The following ACSS3 variants were observed in gnomAD, a reference collection of about 807,000 sequenced individuals.
The protein encoded by ACSS3 is acyl-CoA synthetase short chain family member 3, also known as acyl-CoA synthetase short-chain family member 3, mitochondrial.
ACSS3 carries 64 observed loss-of-function variants against 84.2 expected under a neutral mutation model. The ratio of observed to expected loss-of-function variants is 0.76; its 90% confidence interval spans 0.62 to 0.94. The LOEUF is 0.94. ACSS3 is among the 40% of genes least tolerant of loss of function. ACSS3 has a pLI of 0.00. For synonymous variants in ACSS3, 317 were observed against 310.1 expected, an observed-to-expected ratio of 1.02 and a Z score of -0.23; for missense variants, 815 against 867.6, an observed-to-expected ratio of 0.94 and a Z score of 0.76.
At chr12:81,235,448 C>T (rs2033602158) in intron 13 of ACSS3, among the ~76,000 whole-genome samples, 1 of 151,188 alleles carries the variant, frequency 6.6e-6, no homozygotes, top group Non-Finnish European at 1.5e-5. Flanking sequence ...CTTTCTTAGT[C>T]TTGTTGTAGC....
At chr12:81,097,385 C>G (rs921937421) in intron 1 of ACSS3, among the ~76,000 whole-genome samples, 2 of 152,126 alleles carry the variant, frequency 1.3e-5, no homozygotes, top group African/African-American at 2.4e-5. Flanking sequence ...ACATAGTGGA[C>G]CAGTTTGACA....
intron 9 of ACSS3, among the ~76,000 whole-genome samples, chr12:81,206,162 T>G (rs1565719972): frequency 6.6e-6 from 1 of 152,156 alleles, no homozygotes; most frequent in South Asian, 2.1e-4. Flanking sequence ...TTTTAACTAC[T>G]TGTTATTCTC....
At chr12:81,121,360 T>A (rs4240726) in intron 2 of ACSS3, among the ~76,000 whole-genome samples, 134,081 of 152,118 alleles carry the variant, frequency 0.88, 60,309 homozygotes, top group Middle Eastern at 0.97. Flanking sequence ...TCCTGTTGAC[T>A]TCTTTTGCAT....
intron 13 of ACSS3, among the ~76,000 whole-genome samples, chr12:81,250,122 G>A (rs952883672): frequency 1.3e-5 from 2 of 152,030 alleles, no homozygotes; most frequent in African/African-American, 4.8e-5. Flanking sequence ...TGGAGGGAAT[G>A]CATTAATGTG....
intron 5 of ACSS3, among the ~76,000 whole-genome samples, chr12:81,144,062 G>A (rs74424332): frequency 0.021 from 3,157 of 152,198 alleles, 107 homozygotes; most frequent in African/African-American, 0.07. Context: ...TGAGGACAGT[G>A]GCTTCTTTAT....
chr12:81,192,898 T>A (rs1208141137), intron 8 of ACSS3, among the ~76,000 whole-genome samples: 1 of 152,198 alleles, frequency 6.6e-6, no homozygotes, highest in African/African-American at 2.4e-5. Flanking sequence ...TTGAGTTCTC[T>A]GATGTATTCA....
At chr12:81,223,638 A>AT (rs2033180850) in intron 11 of ACSS3, among the ~76,000 whole-genome samples, 1 of 152,020 alleles carries the variant, frequency 6.6e-6, no homozygotes, top group Non-Finnish European at 1.5e-5. Context: ...TAGAACTCAC[A>AT]TTATTGCCCA....
intron 2 of ACSS3, among the ~76,000 whole-genome samples, chr12:81,133,124 T>G (rs574194657): frequency 6.6e-6 from 1 of 152,134 alleles, no homozygotes; most frequent in African/African-American, 2.4e-5. Context: ...CGTGTTTTTT[T>G]TTTTCTTTCT....
At chr12:81,122,302 C>T (rs1460052391) in intron 2 of ACSS3, among the ~76,000 whole-genome samples, 2 of 151,492 alleles carry the variant, frequency 1.3e-5, no homozygotes, top group African/African-American at 2.4e-5. Flanking sequence ...ACTCATGGGC[C>T]CTGAGAATAT....
chr12:81,242,537 T>C (rs374216274), intron 13 of ACSS3, among the ~76,000 whole-genome samples: 5 of 150,660 alleles, frequency 3.3e-5, no homozygotes, highest in Non-Finnish European at 7.4e-5. Context: ...ATACCAAAGC[T>C]GGGCAGAGAC....
At chr12:81,212,582 C>T (rs751962110) in intron 9 of ACSS3, among the ~76,000 whole-genome samples, 37 of 152,072 alleles carry the variant, frequency 2.4e-4, no homozygotes, top group Non-Finnish European at 4.9e-4. Context: ...CAGAATTTTT[C>T]ATCAGTAAAA....
chr12:81,084,449 G>A (rs1024119259), intron 1 of ACSS3, among the ~76,000 whole-genome samples: 4 of 152,162 alleles, frequency 2.6e-5, no homozygotes, highest in Non-Finnish European at 5.9e-5. Context: ...TAAAGACATG[G>A]TAACTGTAAG....
At position 81,088,432 on chromosome 12, in the gene ACSS3, T is replaced by C. The variant is rs985758186; in HGVS notation, c.311+10001T>C. ...TAAAGTACATAAACATTGTCAGGTA[T>C]ATCATAAAATAGCTAACCTTTTTAT... On this transcript the variant is annotated intron_variant, in intron 1 of 15. Coordinates refer to ENST00000548058, the MANE Select transcript of ACSS3 (RefSeq NM_024560.4). Among the ~76,000 whole-genome samples the C allele has an allele frequency of 2.0e-5, 3 of 152,082 alleles. No individual in the cohort carries two copies. The South Asian group carries it at 6.2e-4, about 31-fold the overall frequency.
intron 13 of ACSS3, among the ~76,000 whole-genome samples, chr12:81,237,880 A>G (rs2033676335): frequency 6.6e-6 from 1 of 151,562 alleles, no homozygotes; most frequent in Non-Finnish European, 1.5e-5. Flanking sequence ...TTGTTGCACT[A>G]GCCAGTATGA....
intron 13 of ACSS3, among the ~76,000 whole-genome samples, chr12:81,251,625 A>G (rs1593244977): frequency 7.0e-6 from 1 of 143,314 alleles, no homozygotes; most frequent in Admixed American, 7.4e-5. Flanking sequence ...TGAGCCCAGG[A>G]GTTTGAGACC....
intron 11 of ACSS3, among the ~76,000 whole-genome samples, chr12:81,221,148 G>C (rs1256164155): frequency 6.6e-6 from 1 of 151,950 alleles, no homozygotes; most frequent in Non-Finnish European, 1.5e-5. Flanking sequence ...TTATATGCTA[G>C]TGGAAGCAGA....
intron 7 of ACSS3, among the ~76,000 whole-genome samples, chr12:81,156,651 G>T (rs922765435): frequency 3.3e-5 from 5 of 151,798 alleles, no homozygotes; most frequent in African/African-American, 9.7e-5. Flanking sequence ...GTGTAATAGG[G>T]GAATACTATG....
intron 13 of ACSS3, among the ~76,000 whole-genome samples, chr12:81,237,244 A>G (rs2033660761): frequency 6.6e-6 from 1 of 151,490 alleles, no homozygotes; most frequent in Admixed American, 6.6e-5. Context: ...CTAGGGATCT[A>G]GTCTGGACTA....
intron 7 of ACSS3, among the ~76,000 whole-genome samples, chr12:81,164,975 C>T (rs886408236): frequency 1.3e-5 from 2 of 151,944 alleles, no homozygotes; most frequent in Non-Finnish European, 2.9e-5. Context: ...TTAAAAAAAT[C>T]TAGTATATAG....
Sources: gnomAD v4.1 joint callset for allele counts (sites outside exome capture counted in the v4.1 genomes callset) on GRCh38, gnomAD v4.1.1 for gene constraint, MANE v1.5 for transcripts, NCBI Gene and HGNC (gene_info 2026-07-23, HGNC 2026-07-21) for gene names.